Variants in ZNF701 observed in about 807,000 individuals in gnomAD.
The protein encoded by ZNF701 is zinc finger protein 701.
A neutral mutation model predicts 7.1 loss-of-function variants in ZNF701; 6 were observed. The ratio of observed to expected loss-of-function variants is 0.84; its 90% confidence interval spans 0.46 to 1.66. ZNF701 has a LOEUF of 1.66. Ranked by LOEUF, ZNF701 falls within the 40% of genes most tolerant of loss-of-function variation. The pLI, the probability that ZNF701 is intolerant of heterozygous loss-of-function variation, is 0.01. For synonymous variants in ZNF701, 166 were observed against 188.2 expected, an observed-to-expected ratio of 0.88 and a Z score of 0.97; for missense variants, 541 against 559.2, an observed-to-expected ratio of 0.97 and a Z score of 0.33.
At position 52,584,472 on chromosome 19, in the gene ZNF701, T is replaced by G. The variant is rs1366485361; in HGVS notation, c.*1015T>G. 9 of 153,012 alleles carry G rather than the reference T, an allele frequency of 5.9e-5. No individual in the cohort carries two copies. The highest frequency in any genetic ancestry group is 1.3e-4 in the Non-Finnish European group (9 of 68,604). The allele number at this position is 153,012 out of a possible 1,614,324, so 9.5% of individuals were successfully genotyped here. ...TCACTTTTCCCAGCCTGCTTTTTGT[T>G]TCTTTAACAAAAACCAATAGGGGTT... On this transcript the variant is annotated 3_prime_UTR_variant, in exon 4 of 4. Transcript: ENST00000391785.
chr19:52,590,720 GT>G (rs1568510766), downstream of ZNF701, among the ~76,000 whole-genome samples: 1 of 152,108 alleles, frequency 6.6e-6, no homozygotes, highest in Non-Finnish European at 1.5e-5. Context: ...AGCCTGGCAT[GT>G]ATCTGTGGAT....
chr19:52,592,086 C>G, downstream of ZNF701: 1 of 924,898 alleles, frequency 1.1e-6, no homozygotes, highest in South Asian at 1.5e-5. Flanking sequence ...TTGTTGAAAT[C>G]TGTCTTTCAT....
the ZNF701 span, chr19:52,598,037 C>A: frequency 6.6e-6 from 1 of 152,368 alleles, no homozygotes; most frequent in Non-Finnish European, 1.5e-5. Flanking sequence ...CTCCGCCTCC[C>A]GGGTTCATGC....
At chr19:52,596,070 C>A in the ZNF701 span, 2 of 1,243,562 alleles carry the variant, frequency 1.6e-6, no homozygotes, top group Non-Finnish European at 2.3e-6. Context: ...CTCTATTCTT[C>A]ATTATTCACA....
downstream of ZNF701, among the ~76,000 whole-genome samples, chr19:52,587,397 A>G (rs1217371668): frequency 6.6e-6 from 1 of 151,962 alleles, no homozygotes; most frequent in Non-Finnish European, 1.5e-5. Context: ...TCTGGGACTG[A>G]GGTTGCTCCT....
chr19:52,591,889 T>C (rs1287247032), downstream of ZNF701: 1 of 318,632 alleles, frequency 3.1e-6, no homozygotes, highest in Non-Finnish European at 5.8e-6. Context: ...AAACTGAGAC[T>C]TCCACAGTGA....
the ZNF701 span, chr19:52,597,017 T>G: frequency 8.2e-7 from 1 of 1,223,166 alleles, no homozygotes; most frequent in East Asian, 2.7e-5. Flanking sequence ...AATGTAATGA[T>G]TGTCACAAAG....
chr19:52,593,028 T>C, the ZNF701 span, among the ~76,000 whole-genome samples: 2 of 116,924 alleles, frequency 1.7e-5, no homozygotes, highest in African/African-American at 3.3e-5. Flanking sequence ...AAGCACATCT[T>C]GCACCACCCT....
At chr19:52,593,852 G>A in the ZNF701 span, among the ~76,000 whole-genome samples, 17 of 112,386 alleles carry the variant, frequency 1.5e-4, no homozygotes, top group African/African-American at 5.7e-4. Flanking sequence ...CCAGGCAGAG[G>A]GGCTCCTCAC....
At chr19:52,588,715 C>A (rs1328386941), downstream of ZNF701, 2 of 225,520 alleles carry the variant, frequency 8.9e-6, no homozygotes, top group Non-Finnish European at 9.2e-6. Context: ...TCCTAACTCA[C>A]AAGTTTGCTC....
In ZNF701 at chr19:52,583,886, T is replaced by C. The variant is rs1160647848; in HGVS notation, c.*429T>C. ...AAGGAGGTCTTACAAGTGTAATAAA[T>C]GTGGCAAGTTTTTCAGACATCATTC... On this transcript the variant is annotated 3_prime_UTR_variant, in exon 4 of 4. Transcript: ENST00000391785. 8.9e-6 allele frequency: 4 copies of C among 448,718 alleles called. No homozygotes were observed. Among genetic ancestry groups the C allele is most frequent in the Non-Finnish European group, 1.7e-5 (4 of 228,752 alleles). The allele number at this position is 448,718 out of a possible 1,614,324, so 27.8% of individuals were successfully genotyped here.
the ZNF701 span, among the ~76,000 whole-genome samples, chr19:52,594,572 G>A: frequency 6.6e-6 from 1 of 151,210 alleles, no homozygotes; most frequent in Non-Finnish European, 1.5e-5. Flanking sequence ...GGAGTGCAAT[G>A]GTGCGATCTC....
At chr19:52,595,570 T>A in the ZNF701 span, 1 of 828,502 alleles carries the variant, frequency 1.2e-6, no homozygotes, top group Non-Finnish European at 1.8e-6. Context: ...GCACCTGGCC[T>A]ACCATCTGTA....
chr19:52,574,234 TTC>T (rs2059918682), intron 2 of ZNF701, 72 bp downstream of exon 2: 11 of 1,584,890 alleles, frequency 6.9e-6, no homozygotes, highest in Admixed American at 5.0e-5. Context: ...GTTGGGAATC[TTC>T]TCTGAGTCTC....
chr19:52,588,203 C>T (rs987601171), downstream of ZNF701, among the ~76,000 whole-genome samples: 20 of 150,430 alleles, frequency 1.3e-4, no homozygotes, highest in Non-Finnish European at 2.5e-4. Flanking sequence ...AACACTAAAT[C>T]TCAGCTGGGT....
intron 3 of ZNF701, among the ~76,000 whole-genome samples, chr19:52,577,621 C>T (rs1170361499): frequency 6.6e-6 from 1 of 151,894 alleles, no homozygotes; most frequent in Admixed American, 6.6e-5. Context: ...AGAGGTGAGC[C>T]CTCTGTCACA....
rs2060008649 is a variant in ZNF701 at position 52,585,945 on chromosome 19, G to T, written c.*2488G>T. The T allele has an allele frequency of 6.6e-6, 1 of 152,230 alleles. No homozygotes were observed. The allele number at this position is 152,230 out of a possible 1,614,324, so 9.4% of individuals were successfully genotyped here. On this transcript the variant is annotated 3_prime_UTR_variant, in exon 4 of 4. Coordinates refer to ENST00000391785, the MANE Select transcript of ZNF701 (RefSeq NM_018260.3). ...TTGTTACTTTGGGTGGGAAGATGGGGTTTTTCCTTTTAGTCTAGTTTTGGA... is the reference window on the plus strand; with the variant it reads ...TTGTTACTTTGGGTGGGAAGATGGGTTTTTTCCTTTTAGTCTAGTTTTGGA...
intron 2 of ZNF701, among the ~76,000 whole-genome samples, chr19:52,575,258 T>C (rs1043882875): frequency 6.6e-6 from 1 of 152,166 alleles, no homozygotes; most frequent in Non-Finnish European, 1.5e-5. Context: ...CATGAGCCAC[T>C]GTGCCTGGCC....
At chr19:52,597,179 T>C in the ZNF701 span, 4 of 587,964 alleles carry the variant, frequency 6.8e-6, no homozygotes, top group South Asian at 5.5e-5. Context: ...CTTACAAATA[T>C]CATGACTGTG....
Sources: allele counts gnomAD v4.1 joint callset (sites outside exome capture counted in the v4.1 genomes callset), GRCh38; gene constraint gnomAD v4.1.1; transcripts MANE v1.5; gene names NCBI Gene and HGNC (gene_info 2026-07-23, HGNC 2026-07-21).